The following RARB variants were observed in gnomAD, a reference collection of about 807,000 sequenced individuals.
RARB encodes retinoic acid receptor beta.
RARB carries 17 observed loss-of-function variants against 51.9 expected under a neutral mutation model. The observed-to-expected ratio is 0.33, with a 90% CI of 0.22 to 0.49. The LOEUF (loss-of-function observed/expected upper bound fraction) is 0.49. RARB is among the 20% of genes least tolerant of loss of function. The pLI, the probability that RARB is intolerant of heterozygous loss-of-function variation, is 0.99. For synonymous variants in RARB, 215 were observed against 195.4 expected, an observed-to-expected ratio of 1.10 and a Z score of -0.84; for missense variants, 369 against 550.8, an observed-to-expected ratio of 0.67 and a Z score of 3.30.
At chr3:25,301,245 T>C (rs1486958371) in intron 5 of RARB, among the ~76,000 whole-genome samples, 3 of 152,248 alleles carry the variant, frequency 2.0e-5, no homozygotes, top group Non-Finnish European at 4.4e-5. Flanking sequence ...GAGGTGCATC[T>C]GTACTACAGT....
At chr3:25,140,642 A>G (rs933134049) in intron 4 of RARB, among the ~76,000 whole-genome samples, 4 of 152,262 alleles carry the variant, frequency 2.6e-5, no homozygotes, top group Admixed American at 6.5e-5. Flanking sequence ...CTTAGTTGAT[A>G]AAGCAATAGC....
chr3:24,875,740 C>T (rs1389709104), intron 2 of RARB, among the ~76,000 whole-genome samples: 1 of 152,018 alleles, frequency 6.6e-6, no homozygotes, highest in African/African-American at 2.4e-5. Context: ...AAGAAAATAA[C>T]ATTAATATAA....
chr3:25,570,536 T>G (rs1700668322), intron 4 of RARB, among the ~76,000 whole-genome samples: 1 of 152,124 alleles, frequency 6.6e-6, no homozygotes, highest in Non-Finnish European at 1.5e-5. Context: ...AGCGTTCCAC[T>G]AGGAATGGCC....
intron 2 of RARB, among the ~76,000 whole-genome samples, chr3:24,971,238 CATT>C (rs1241856888): frequency 6.6e-6 from 1 of 151,742 alleles, no homozygotes; most frequent in Non-Finnish European, 1.5e-5. Flanking sequence ...AAATGGTTAC[CATT>C]ATTATTCTTA....
chr3:25,513,735 A>G (rs1274497877), intron 3 of RARB, among the ~76,000 whole-genome samples: 1 of 151,278 alleles, frequency 6.6e-6, no homozygotes, highest in Non-Finnish European at 1.5e-5. Context: ...TTTGTATACC[A>G]CTAAAAGGGA....
intron 2 of RARB, among the ~76,000 whole-genome samples, chr3:24,860,925 A>G (rs1418818795): frequency 6.6e-6 from 1 of 152,156 alleles, no homozygotes; most frequent in Non-Finnish European, 1.5e-5. Flanking sequence ...GTTTGCTAGG[A>G]GCAATAGACT....
intron 5 of RARB, among the ~76,000 whole-genome samples, chr3:25,275,576 A>C (rs1703361298): frequency 6.6e-6 from 1 of 152,236 alleles, no homozygotes; most frequent in Admixed American, 6.5e-5. Context: ...AATATGTATC[A>C]CCTTAGAATC....
intron 2 of RARB, among the ~76,000 whole-genome samples, chr3:25,489,290 G>C (rs1034920392): frequency 6.6e-6 from 1 of 152,192 alleles, no homozygotes; most frequent in East Asian, 1.9e-4. Context: ...GAGCCTGTGG[G>C]TGAAATTTGA....
intron 5 of RARB, among the ~76,000 whole-genome samples, chr3:25,266,560 T>TA (rs1703130718): frequency 6.6e-6 from 1 of 152,224 alleles, no homozygotes; most frequent in Non-Finnish European, 1.5e-5. Flanking sequence ...TGATCCTTTT[T>TA]ATCAGACTTT....
In RARB at chr3:24,841,522, C is replaced by T. The variant is rs6550921; in HGVS notation, c.-459+12119C>T. On this transcript the variant is annotated intron_variant, in intron 1 of 11. Coordinates refer to the RARB transcript ENST00000383772. Reference sequence around the variant, plus strand: ...AGTCATGTTGAGAATTCTGTTTCAACGGGGAAAAATGAAACCAAATTTATA... The same window carrying T: ...AGTCATGTTGAGAATTCTGTTTCAATGGGGAAAAATGAAACCAAATTTATA... Among the ~76,000 whole-genome samples the T allele has an allele frequency of 6.6e-5, 10 of 151,986 alleles. No homozygotes were observed. In the East Asian group the frequency reaches 9.7e-4, roughly 15 times the overall value.
At chr3:25,215,872 T>C (rs912800362) in intron 5 of RARB, among the ~76,000 whole-genome samples, 1 of 152,188 alleles carries the variant, frequency 6.6e-6, no homozygotes, top group Non-Finnish European at 1.5e-5. Context: ...CTGGCGTATT[T>C]TGATGTCAGA....
intron 3 of RARB, among the ~76,000 whole-genome samples, chr3:25,100,333 A>C (rs4353774): frequency 0.55 from 83,965 of 151,982 alleles, 24,223 homozygotes; most frequent in Admixed American, 0.66. Context: ...GGTGCCATTT[A>C]AACTGTAATC....
intron 5 of RARB, among the ~76,000 whole-genome samples, chr3:25,590,498 A>G (rs1246478733): frequency 6.6e-6 from 1 of 152,150 alleles, no homozygotes; most frequent in African/African-American, 2.4e-5. Context: ...GGGCCCATAA[A>G]TATTGAGCAT....
chr3:25,444,409 G>A (rs751161038), intron 1 of RARB, among the ~76,000 whole-genome samples: 3 of 152,196 alleles, frequency 2.0e-5, no homozygotes, highest in Non-Finnish European at 2.9e-5. Context: ...GAAATAATAC[G>A]TTTTTAACAA....
At position 24,989,774 on chromosome 3, in the gene RARB, C is replaced by CTTTTTTTTTTT. The variant is rs769275874; in HGVS notation, c.-379-70325_-379-70315dup. ...ATTTTAACTGTTGTCATATGTTTTT[C>CTTTTTTTTTTT]TTTTTTTTTTTTTTTTTTTTTTTTT... On this transcript the variant is annotated intron_variant, in intron 2 of 11. Coordinates refer to the RARB transcript ENST00000383772. 2.6e-3 allele frequency among the ~76,000 whole-genome samples: 77 copies of CTTTTTTTTTTT among 29,524 alleles called. 18 individuals are homozygous for CTTTTTTTTTTT. Among genetic ancestry groups the CTTTTTTTTTTT allele is most frequent in the East Asian group, 3.6e-3 (3 of 836 alleles). 19.4% of individuals were successfully genotyped at this position (29,524 alleles called of 152,430 possible).
chr3:25,226,999 C>T (rs937871348), intron 5 of RARB, among the ~76,000 whole-genome samples: 1 of 152,186 alleles, frequency 6.6e-6, no homozygotes, highest in African/African-American at 2.4e-5. Flanking sequence ...ATTTGCTTTC[C>T]TTAGTGATCC....
chr3:25,164,449 C>T (rs141182704), intron 4 of RARB, among the ~76,000 whole-genome samples: 73 of 152,302 alleles, frequency 4.8e-4, no homozygotes, highest in African/African-American at 1.7e-3. Flanking sequence ...CAGTCCTGAC[C>T]TACTATGGAA....
At position 25,484,927 on chromosome 3, in the gene RARB, C is replaced by T. The variant is rs971801207; in HGVS notation, c.307-16255C>T. Among the ~76,000 whole-genome samples the T allele has an allele frequency of 5.3e-5, 8 of 151,858 alleles. 1 individual carries two copies. Among genetic ancestry groups the T allele is most frequent in the Non-Finnish European group, 1.0e-4 (7 of 67,998 alleles). ...AAACATGACTTTTCATTTTTGAAAG[C>T]TGGGAAGGTTATAAATATGAGTCTT... On this transcript the variant is annotated intron_variant, in intron 2 of 7. Coordinates refer to ENST00000330688, the MANE Select transcript of RARB (RefSeq NM_000965.5).
intron 2 of RARB, among the ~76,000 whole-genome samples, chr3:25,027,313 G>A (rs530855105): frequency 1.4e-4 from 21 of 152,254 alleles, no homozygotes; most frequent in African/African-American, 4.6e-4. Flanking sequence ...GAGTCCTGGG[G>A]TCAGGTGACC....
Sources: allele counts gnomAD v4.1 joint callset (sites outside exome capture counted in the v4.1 genomes callset), GRCh38; gene constraint gnomAD v4.1.1; transcripts MANE v1.5; gene names NCBI Gene and HGNC (gene_info 2026-07-23, HGNC 2026-07-21).